Variants in PYGB observed in about 807,000 individuals in gnomAD.
PYGB encodes glycogen phosphorylase B.
In PYGB, 82 loss-of-function variants were observed where a neutral mutation model predicts 94.3. The ratio of observed to expected loss-of-function variants is 0.87; its 90% CI spans 0.73 to 1.04. The LOEUF (loss-of-function observed/expected upper bound fraction) is 1.04, where lower values mean the gene tolerates loss of function less well. Among genes scored for constraint, PYGB ranks in the 50% least tolerant of loss-of-function variants. The pLI is 0.00. For synonymous variants in PYGB, 488 were observed against 479.1 expected (o/e 1.02, Z -0.24); for missense variants, 1,132 against 1,158.2 (o/e 0.98, Z 0.33).
Position 25,248,233 on chromosome 20 carries a change from C to G in PYGB, c.55C>G (p.Leu19Val), listed in dbSNP as rs776497847. The change falls in exon 1 of 20, where the codon CTG (leucine) becomes GTG (valine). Residue 19 changes from leucine to valine, a missense_variant. Coordinates refer to ENST00000216962, the MANE Select transcript of PYGB (RefSeq NM_002862.4). Reference sequence around the variant, plus strand: ...GCGGAAGCAGATCAGCGTGCGCGGCCTGGCGGGGCTAGGCGACGTGGCCGA... The same window carrying G: ...GCGGAAGCAGATCAGCGTGCGCGGCGTGGCGGGGCTAGGCGACGTGGCCGA... ...EKRKQISVRG[L>V]AGLGDVAEVR... 9 of 1,596,956 alleles carry G rather than the reference C, an allele frequency of 5.6e-6. No homozygotes were observed. The highest frequency in any genetic ancestry group is 7.7e-6 in the Non-Finnish European group (9 of 1,172,532).
chr20:25,280,215 A>T, intron 9 of PYGB, 51 bp from the exon 10 acceptor site: 1 of 1,595,886 alleles, frequency 6.3e-7, no homozygotes, highest in Middle Eastern at 1.7e-4. Flanking sequence ...AACTGGCCAG[A>T]GAGCTGCTTG....
At chr20:25,256,285 T>C (rs1373049776) in intron 1 of PYGB, among the ~76,000 whole-genome samples, 1 of 152,140 alleles carries the variant, frequency 6.6e-6, no homozygotes, top group Non-Finnish European at 1.5e-5. Flanking sequence ...GATTGGTATT[T>C]GGTGTACTGT....
intron 16 of PYGB, 32 bp downstream of exon 16, chr20:25,290,654 C>T: frequency 6.3e-7 from 1 of 1,585,504 alleles, no homozygotes; most frequent in Non-Finnish European, 8.7e-7. Flanking sequence ...GGACAGAAAA[C>T]TCACTCCTGC....
In PYGB at chr20:25,295,512, G is replaced by A. The variant is rs546962344; in HGVS notation, c.2313-92G>A. ...CGCTCCAGACAGGACCAGGTGGATGGTGCCTGGCCTCCTGCCCTGGGACTC... is the reference window on the plus strand; with the variant it reads ...CGCTCCAGACAGGACCAGGTGGATGATGCCTGGCCTCCTGCCCTGGGACTC... On this transcript the variant is annotated intron_variant, in intron 18 of 19. Transcript: ENST00000216962. 330 of 1,423,654 alleles carry A rather than the reference G, an allele frequency of 2.3e-4. 1 individual carries two copies. The highest frequency in any genetic ancestry group is 2.3e-4 in the Middle Eastern group (1 of 4,358). 88.2% of individuals were successfully genotyped at this position (1,423,654 alleles called of 1,614,324 possible).
At position 25,296,589 on chromosome 20, in the gene PYGB, C is replaced by T; in HGVS notation, c.*67C>T. Reference sequence around the variant, plus strand: ...TGCTGACTTTGCACCTCCTTTTTTCCCCAAACACTTTGCCAGCCACTGGTG... The same window carrying T: ...TGCTGACTTTGCACCTCCTTTTTTCTCCAAACACTTTGCCAGCCACTGGTG... On this transcript the variant is annotated 3_prime_UTR_variant, in exon 20 of 20. Coordinates refer to ENST00000216962, the MANE Select transcript of PYGB (RefSeq NM_002862.4). 2 of 1,541,288 alleles carry T rather than the reference C, an allele frequency of 1.3e-6. No individual in the cohort carries two copies. Among genetic ancestry groups the T allele is most frequent in the Non-Finnish European group, 8.7e-7 (1 of 1,142,908 alleles).
chr20:25,266,142 C>A (rs754014413), intron 2 of PYGB, among the ~76,000 whole-genome samples: 2 of 152,150 alleles, frequency 1.3e-5, no homozygotes, highest in African/African-American at 4.8e-5. Flanking sequence ...TGTGCCACTG[C>A]GCCTGGCTGA....
At chr20:25,271,895 T>C (rs2088271553) in intron 4 of PYGB, among the ~76,000 whole-genome samples, 2 of 152,196 alleles carry the variant, frequency 1.3e-5, no homozygotes, top group African/African-American at 4.8e-5. Context: ...CCTAAGTAGT[T>C]AGAAGAGCAG....
At chr20:25,256,386 TA>T (rs796327825) in intron 1 of PYGB, among the ~76,000 whole-genome samples, 147 of 140,376 alleles carry the variant, frequency 1.0e-3, no homozygotes, top group African/African-American at 1.3e-3. Context: ...TAAACTCTGT[TA>T]AAAAAAAAAA....
At position 25,256,584 on chromosome 20, in the gene PYGB, G is replaced by C. The variant is rs117037598; in HGVS notation, c.244-2653G>C. On this transcript the variant is annotated intron_variant, in intron 1 of 19. Coordinates refer to ENST00000216962, the MANE Select transcript of PYGB (RefSeq NM_002862.4). ...ATGTCATATTGCAAGAAGGGACCATGGTAGAAAGATCAATGGCCCAGTTCA... is the reference window on the plus strand; with the variant it reads ...ATGTCATATTGCAAGAAGGGACCATCGTAGAAAGATCAATGGCCCAGTTCA... 5.5e-3 allele frequency among the ~76,000 whole-genome samples: 831 copies of C among 152,326 alleles called. 5 individuals are homozygous for C. Among genetic ancestry groups the C allele is most frequent in the Admixed American group, 0.011 (161 of 15,300 alleles).
chr20:25,255,736 CTT>C (rs777407638), intron 1 of PYGB, among the ~76,000 whole-genome samples: 8,558 of 145,022 alleles, frequency 0.059, 804 homozygotes, highest in African/African-American at 0.2. Context: ...CCGCCCAACT[CTT>C]TTTTTTTTTT....
rs779631204 is a variant in PYGB at position 25,269,156 on chromosome 20, G to A, written c.373G>A (p.Glu125Lys). 5 of 1,599,224 alleles carry A rather than the reference G, an allele frequency of 3.1e-6. No individual in the cohort carries two copies. The highest frequency in any genetic ancestry group is 3.3e-5 in the Admixed American group (2 of 59,972). ...GGGGTTAGACTTGGAGGAACTCGAG[G>A]AGATAGAAGAAGATGCTGGCCTTGG... Reference protein sequence around the residue: ...QLGLDLEELEEIEEDAGLGNG... With the variant: ...QLGLDLEELEKIEEDAGLGNG... The change falls in exon 3 of 20, where the codon GAG becomes AAG. Residue 125 changes from glutamate (E) to lysine (K), a missense_variant. Coordinates refer to ENST00000216962, the MANE Select transcript of PYGB (RefSeq NM_002862.4).
Position 25,294,219 on chromosome 20 carries a change from A to G in PYGB, c.2239A>G (p.Ser747Gly). The G allele has an allele frequency of 5.0e-6, 8 of 1,613,574 alleles. No homozygotes were observed. Among genetic ancestry groups the G allele is most frequent in the Non-Finnish European group, 5.9e-6 (7 of 1,179,784 alleles). Residue 747 changes from serine to glycine, a missense_variant, in exon 18 of 20, where the codon AGC becomes GGC. Transcript: ENST00000216962. ...GCTGAAGCAGGCCGTGGACCAGATC[A>G]GCAGTGGCTTTTTTTCTCCCAAGGA... ...PELKQAVDQI[S>G]SGFFSPKEPD...
At chr20:25,290,294 A>G (rs2088454238) in intron 15 of PYGB, among the ~76,000 whole-genome samples, 187 bp from the exon 16 acceptor site, 1 of 152,210 alleles carries the variant, frequency 6.6e-6, no homozygotes, top group Non-Finnish European at 1.5e-5. Context: ...GGTGGCCACC[A>G]TCGTGAGTGC....
chr20:25,283,542 GC>G (rs1253256662), intron 13 of PYGB, among the ~76,000 whole-genome samples: 1 of 152,224 alleles, frequency 6.6e-6, no homozygotes, highest in African/African-American at 2.4e-5. Context: ...CCCTGCCCGT[GC>G]CTCGACCCTC....
chr20:25,257,701 A>G (rs1046327296), intron 1 of PYGB, among the ~76,000 whole-genome samples: 6 of 152,216 alleles, frequency 3.9e-5, no homozygotes, highest in Admixed American at 6.5e-5. Context: ...AAGGCAAAGT[A>G]AAAACATTCT....
At chr20:25,288,131 G>C (rs549434002) in intron 14 of PYGB, 1 of 535,784 alleles carries the variant, frequency 1.9e-6, no homozygotes, top group African/African-American at 1.9e-5. Context: ...TAGCATCTTT[G>C]CTCGAGTCAG....
chr20:25,272,140 C>T (rs931289067), intron 4 of PYGB, among the ~76,000 whole-genome samples: 4 of 152,200 alleles, frequency 2.6e-5, no homozygotes, highest in African/African-American at 9.7e-5. Context: ...TCCCATGTGC[C>T]TCAGAATGAA....
Position 25,290,531 on chromosome 20 carries a change from C to T in PYGB, c.1878C>T (p.Ser626=), listed in dbSNP as rs888588993. 30 of 1,611,714 alleles carry T rather than the reference C, an allele frequency of 1.9e-5. No individual in the cohort carries two copies. The highest frequency in any genetic ancestry group is 1.1e-4 in the East Asian group (5 of 44,772). ...AGCTGATCATCAAGTTGGTCACCTC[C>T]ATCGGCGACGTCGTCAATCATGACC... is the stretch of plus-strand genomic sequence containing the variant. ...MAKLIIKLVT[S]IGDVVNHDPV... The change falls in exon 16 of 20, where the codon TCC becomes TCT. Residue 626 remains serine, a synonymous_variant. Transcript: ENST00000216962.
chr20:25,296,702 T>A lies in PYGB; in HGVS notation c.*180T>A, dbSNP rs200669669. 67 of 795,818 alleles carry A rather than the reference T, an allele frequency of 8.4e-5. No homozygotes were observed. In the African/African-American group the frequency reaches 1.0e-3, roughly 12 times the overall value. The allele number at this position is 795,818 out of a possible 1,614,324, so 49.3% of individuals were successfully genotyped here. A position where few individuals can be genotyped will look rare whatever the true frequency, so the allele number is the denominator to read the frequency against. ...AGAGCAGGGTAAGGAAGGAATGTGC[T>A]AGAAGTGCTCCTAGTTTCTTGTAAA... On this transcript the variant is annotated 3_prime_UTR_variant, in exon 20 of 20. Transcript: ENST00000216962.
Sources: gnomAD v4.1 joint callset for allele counts (sites outside exome capture counted in the v4.1 genomes callset) on GRCh38, gnomAD v4.1.1 for gene constraint, MANE v1.5 for transcripts, NCBI Gene and HGNC (gene_info 2026-07-23, HGNC 2026-07-21) for gene names.